Variants in CNTNAP2 observed in about 807,000 individuals in gnomAD.
CNTNAP2 encodes the protein contactin-associated protein-like 2.
A neutral mutation model predicts 155.2 loss-of-function variants in CNTNAP2; 98 were observed. That is an observed-to-expected ratio of 0.63 (90% CI 0.54 to 0.75). The LOEUF is 0.75. Among genes scored for constraint, CNTNAP2 ranks in the 30% least tolerant of loss-of-function variants. The pLI is 0.00. For synonymous variants in CNTNAP2, 651 were observed against 631.2 expected, an observed-to-expected ratio of 1.03 and a Z score of -0.47; for missense variants, 1,727 against 1,688.1, an observed-to-expected ratio of 1.02 and a Z score of -0.40.
chr7:147,498,647 C>T (rs1919192), intron 11 of CNTNAP2, among the ~76,000 whole-genome samples: 43,575 of 152,150 alleles, frequency 0.29, 6,375 homozygotes, highest in East Asian at 0.43. Context: ...CATTTCTCCT[C>T]TTCCTTTATA....
At chr7:147,307,998 G>A (rs1795062165) in intron 9 of CNTNAP2, among the ~76,000 whole-genome samples, 1 of 152,210 alleles carries the variant, frequency 6.6e-6, no homozygotes, top group Non-Finnish European at 1.5e-5. Flanking sequence ...GGTTAAATGA[G>A]TGTATTTGGG....
chr7:147,128,912 C>A, intron 7 of CNTNAP2, 76 bp downstream of exon 7: 1 of 1,556,756 alleles, frequency 6.4e-7, no homozygotes, highest in South Asian at 1.1e-5. Context: ...TATTGAACAA[C>A]AACAAAATCA....
At chr7:148,122,374 T>C (rs771459155) in intron 16 of CNTNAP2, among the ~76,000 whole-genome samples, 1 of 152,098 alleles carries the variant, frequency 6.6e-6, no homozygotes, top group African/African-American at 2.4e-5. Flanking sequence ...CTCCCAGGGA[T>C]GGAATGCTTT....
intron 15 of CNTNAP2, among the ~76,000 whole-genome samples, chr7:148,081,642 C>CAT (rs144605240): frequency 0.047 from 7,137 of 151,832 alleles, 190 homozygotes; most frequent in South Asian, 0.067. Flanking sequence ...AATAAATTTC[C>CAT]ATATATATAT....
chr7:148,231,231 G>A (rs892002955), intron 20 of CNTNAP2, among the ~76,000 whole-genome samples: 3 of 152,162 alleles, frequency 2.0e-5, no homozygotes, highest in Non-Finnish European at 4.4e-5. Context: ...GAGAGGAGTG[G>A]ATGATTTTTA....
chr7:146,171,113 G>T (rs1195906808), intron 1 of CNTNAP2, among the ~76,000 whole-genome samples: 2 of 152,060 alleles, frequency 1.3e-5, no homozygotes, highest in Non-Finnish European at 2.9e-5. Flanking sequence ...GATTTTTTGT[G>T]TGTTTGTTTT....
chr7:146,910,013 G>T (rs1382909322), intron 3 of CNTNAP2, among the ~76,000 whole-genome samples: 1 of 73,386 alleles, frequency 1.4e-5, no homozygotes, highest in East Asian at 2.7e-4. Flanking sequence ...ACCAACAACA[G>T]ACAAACAGAG....
intron 21 of CNTNAP2, among the ~76,000 whole-genome samples, chr7:148,380,900 C>T (rs182850080): frequency 6.2e-4 from 95 of 152,330 alleles, no homozygotes; most frequent in African/African-American, 1.5e-3. Context: ...TTACCCAGCC[C>T]ACAGCTTTCA....
intron 15 of CNTNAP2, 137 bp downstream of exon 15, chr7:147,978,126 T>C: frequency 8.1e-7 from 1 of 1,241,602 alleles, no homozygotes; most frequent in Non-Finnish European, 1.1e-6. Context: ...CAAGCAGAGA[T>C]AACTTAGAGG....
At chr7:147,284,961 C>G (rs914767890) in intron 8 of CNTNAP2, among the ~76,000 whole-genome samples, 1 of 151,808 alleles carries the variant, frequency 6.6e-6, no homozygotes, top group African/African-American at 2.4e-5. Flanking sequence ...GCAGGAAAAA[C>G]CTACCTGTAA....
chr7:146,904,664 G>C (rs1016291294), intron 3 of CNTNAP2, among the ~76,000 whole-genome samples: 1 of 152,054 alleles, frequency 6.6e-6, no homozygotes, highest in Non-Finnish European at 1.5e-5. Context: ...GTAGAGACGG[G>C]GTTTCACTGT....
intron 13 of CNTNAP2, among the ~76,000 whole-genome samples, chr7:147,733,845 T>C (rs1158133782): frequency 2.6e-5 from 4 of 152,212 alleles, no homozygotes; most frequent in Non-Finnish European, 4.4e-5. Flanking sequence ...AGAATGCTTG[T>C]GATTTTTGCA....
chr7:147,457,905 G>A (rs916743916), intron 10 of CNTNAP2, among the ~76,000 whole-genome samples: 9 of 152,088 alleles, frequency 5.9e-5, no homozygotes, highest in Non-Finnish European at 1.3e-4. Context: ...AAGGGAGGCA[G>A]TGATTAGTTT....
At chr7:148,154,077 C>G (rs556392840) in intron 17 of CNTNAP2, among the ~76,000 whole-genome samples, 1 of 152,214 alleles carries the variant, frequency 6.6e-6, no homozygotes, top group South Asian at 2.1e-4. Flanking sequence ...TTGGCTCTGG[C>G]CTCTTCTGAT....
In CNTNAP2 at chr7:146,660,034, T is replaced by TA. The variant is rs1800060339; in HGVS notation, c.98-114235dup. 1.3e-5 allele frequency among the ~76,000 whole-genome samples: 2 copies of TA among 152,240 alleles called. 1 individual carries two copies. Among genetic ancestry groups the TA allele is most frequent in the South Asian group, 4.1e-4 (2 of 4,828 alleles). On this transcript the variant is annotated intron_variant, in intron 1 of 23. Coordinates refer to ENST00000361727, the MANE Select transcript of CNTNAP2 (RefSeq NM_014141.6). ...AGGGCACGGTTATGCTGTTAGTGACTAAGAAGTCATCCCTTTCACCTGAAC... is the reference window on the plus strand; with the variant it reads ...AGGGCACGGTTATGCTGTTAGTGACTAAAGAAGTCATCCCTTTCACCTGAAC...
rs372311478 is a variant in CNTNAP2, at chr7:147,391,626, G to A, written c.1499-3983G>A. On this transcript the variant is annotated intron_variant, in intron 9 of 23. Coordinates refer to ENST00000361727, the MANE Select transcript of CNTNAP2 (RefSeq NM_014141.6). ...CCCCTTGAGCTTCTGTAGATCTACAGAAGGAAAATGCTTTTAAGATAATTA... is the reference window on the plus strand; with the variant it reads ...CCCCTTGAGCTTCTGTAGATCTACAAAAGGAAAATGCTTTTAAGATAATTA... Among the ~76,000 whole-genome samples the A allele has an allele frequency of 2.0e-4, 30 of 152,154 alleles. 2 individuals are homozygous for A. The highest frequency in any genetic ancestry group is 7.2e-4 in the African/African-American group (30 of 41,510).
intron 1 of CNTNAP2, among the ~76,000 whole-genome samples, chr7:146,432,164 C>G (rs1365399270): frequency 6.6e-6 from 1 of 152,010 alleles, no homozygotes; most frequent in Non-Finnish European, 1.5e-5. Context: ...TCAATTTACT[C>G]ATTGATGTAG....
chr7:148,411,420 C>T (rs1799835008), intron 23 of CNTNAP2, among the ~76,000 whole-genome samples: 1 of 152,114 alleles, frequency 6.6e-6, no homozygotes, highest in South Asian at 2.1e-4. Flanking sequence ...CACGCATCAC[C>T]ATGCCTGGCT....
At chr7:147,891,365 C>T (rs901173948) in intron 13 of CNTNAP2, among the ~76,000 whole-genome samples, 17 of 151,952 alleles carry the variant, frequency 1.1e-4, no homozygotes, top group Admixed American at 3.9e-4. Flanking sequence ...CCATCATGCC[C>T]GGCTAATTTT....
Sources: allele counts gnomAD v4.1 joint callset (sites outside exome capture counted in the v4.1 genomes callset), GRCh38; gene constraint gnomAD v4.1.1; transcripts MANE v1.5; gene names NCBI Gene and HGNC (gene_info 2026-07-23, HGNC 2026-07-21).